The following LRRC4C variants were observed in gnomAD, a reference collection of about 807,000 sequenced individuals.
LRRC4C encodes the protein leucine rich repeat containing 4C, also known as leucine-rich repeat-containing protein 4C.
LRRC4C carries 5 observed loss-of-function variants against 33.6 expected under a neutral mutation model. That is an observed-to-expected ratio of 0.15 (90% confidence interval 0.08 to 0.31). The LOEUF is 0.31. LRRC4C is among the 10% of genes least tolerant of loss of function. The pLI is 1.00. For synonymous variants in LRRC4C, 329 were observed against 302.0 expected, an observed-to-expected ratio of 1.09 and a Z score of -0.93; for missense variants, 560 against 796.7, an observed-to-expected ratio of 0.70 and a Z score of 3.58.
At chr11:40,663,313 C>A (rs56395156) in intron 2 of LRRC4C, among the ~76,000 whole-genome samples, 2,912 of 152,218 alleles carry the variant, frequency 0.019, 44 homozygotes, top group South Asian at 0.036. Context: ...GAACTCCTAA[C>A]CTTGTGATCT....
At chr11:40,414,481 T>C (rs1048058694) in intron 3 of LRRC4C, among the ~76,000 whole-genome samples, 1 of 152,108 alleles carries the variant, frequency 6.6e-6, no homozygotes, top group South Asian at 2.1e-4. Flanking sequence ...TTTAGGCTTA[T>C]TAGAAAGGAC....
At chr11:41,245,353 C>G (rs940062794) in intron 1 of LRRC4C, among the ~76,000 whole-genome samples, 3 of 152,074 alleles carry the variant, frequency 2.0e-5, no homozygotes, top group Admixed American at 2.0e-4. Flanking sequence ...GCATGGAGCA[C>G]GAAACAGCGA....
At chr11:40,865,159 A>G (rs756644918) in intron 2 of LRRC4C, among the ~76,000 whole-genome samples, 1 of 152,184 alleles carries the variant, frequency 6.6e-6, no homozygotes, top group African/African-American at 2.4e-5. Flanking sequence ...CAGTATGTTA[A>G]GTGAAACAAG....
intron 3 of LRRC4C, among the ~76,000 whole-genome samples, chr11:40,388,027 C>T (rs1156634759): frequency 6.6e-6 from 1 of 151,990 alleles, no homozygotes; most frequent in Non-Finnish European, 1.5e-5. Context: ...TTTTTTATCC[C>T]CTAATAAACC....
intron 2 of LRRC4C, among the ~76,000 whole-genome samples, chr11:40,918,707 C>T (rs190659264): frequency 8.1e-4 from 123 of 152,222 alleles, no homozygotes; most frequent in African/African-American, 2.8e-3. Context: ...AAACTGAGTT[C>T]AGAGTAAGAA....
At chr11:40,817,400 T>G (rs1166456846) in intron 2 of LRRC4C, among the ~76,000 whole-genome samples, 1 of 152,156 alleles carries the variant, frequency 6.6e-6, no homozygotes. Flanking sequence ...TCCTTTTAAC[T>G]CATAATGATA....
At chr11:40,371,646 G>A (rs186610461) in intron 3 of LRRC4C, among the ~76,000 whole-genome samples, 36 of 152,196 alleles carry the variant, frequency 2.4e-4, no homozygotes, top group South Asian at 4.1e-4. Flanking sequence ...CTAATGGCCC[G>A]GTAATGTGCT....
chr11:40,730,452 A>G (rs1947508103), intron 2 of LRRC4C, among the ~76,000 whole-genome samples: 1 of 152,224 alleles, frequency 6.6e-6, no homozygotes, highest in African/African-American at 2.4e-5. Context: ...ATAGAGATAC[A>G]GGTTTAAAGT....
At chr11:40,330,154 C>T (rs1433981146) in intron 3 of LRRC4C, among the ~76,000 whole-genome samples, 1 of 152,068 alleles carries the variant, frequency 6.6e-6, no homozygotes, top group African/African-American at 2.4e-5. Context: ...ATAAAAATTA[C>T]AATTACTTAC....
intron 2 of LRRC4C, among the ~76,000 whole-genome samples, chr11:40,888,184 T>G (rs924693284): frequency 6.6e-6 from 1 of 151,916 alleles, no homozygotes; most frequent in African/African-American, 2.4e-5. Context: ...TGAGTTCTTG[T>G]TCTCCGGAAA....
chr11:40,333,796 G>A (rs1045429870), intron 3 of LRRC4C, among the ~76,000 whole-genome samples: 1 of 150,848 alleles, frequency 6.6e-6, no homozygotes, highest in East Asian at 1.9e-4. Flanking sequence ...AGTTTCCAAT[G>A]AGTATGATAA....
At chr11:40,658,269 A>G (rs1943237792) in intron 2 of LRRC4C, among the ~76,000 whole-genome samples, 1 of 152,180 alleles carries the variant, frequency 6.6e-6, no homozygotes, top group South Asian at 2.1e-4. Context: ...CCTACCATCT[A>G]GGCTTGACAT....
At chr11:40,506,348 T>C (rs1331634796) in intron 3 of LRRC4C, among the ~76,000 whole-genome samples, 4 of 152,190 alleles carry the variant, frequency 2.6e-5, no homozygotes. Context: ...GCTTTTCACA[T>C]GAACAGAAAT....
intron 3 of LRRC4C, among the ~76,000 whole-genome samples, chr11:40,362,443 G>A (rs1048568610): frequency 3.9e-5 from 6 of 152,028 alleles, no homozygotes; most frequent in South Asian, 2.1e-4. Context: ...ATAATATTCT[G>A]GTGCAGTGGC....
Position 41,033,009 on chromosome 11 carries a change from AACATTACCAGCAC to A in LRRC4C, c.-495-99299_-495-99287del, listed in dbSNP as rs535734109. On this transcript the variant is annotated intron_variant, in intron 1 of 6. Transcript: ENST00000528697. ...TATTCATCCTTAGCTGATACCATGA[AACATTACCAGCAC>A]ACTTTCTAAAACAGAAGGGTCTATT... Among the ~76,000 whole-genome samples, 380 of 152,138 alleles carry A rather than the reference AACATTACCAGCAC, an allele frequency of 2.5e-3. 5 individuals are homozygous for A. The highest frequency in any genetic ancestry group is 9.1e-3 in the East Asian group (47 of 5,154).
intron 1 of LRRC4C, among the ~76,000 whole-genome samples, chr11:40,990,884 C>CT (rs535253494): frequency 2.6e-5 from 4 of 151,122 alleles, no homozygotes; most frequent in South Asian, 2.1e-4. Flanking sequence ...AAAAGAAGTG[C>CT]TTTTTTTTAT....
At chr11:40,863,265 C>T (rs1954192213) in intron 2 of LRRC4C, among the ~76,000 whole-genome samples, 1 of 152,174 alleles carries the variant, frequency 6.6e-6, no homozygotes, top group South Asian at 2.1e-4. Context: ...CTGATGTTTC[C>T]ACACACTCAG....
intron 2 of LRRC4C, among the ~76,000 whole-genome samples, chr11:40,853,717 T>C (rs1440556905): frequency 6.6e-6 from 1 of 152,166 alleles, no homozygotes; most frequent in Non-Finnish European, 1.5e-5. Flanking sequence ...TTTTGTCTTC[T>C]TGGCAATGAT....
intron 4 of LRRC4C, among the ~76,000 whole-genome samples, chr11:40,300,506 T>C (rs1405831660): frequency 1.3e-5 from 2 of 152,210 alleles, no homozygotes; most frequent in Non-Finnish European, 2.9e-5. Flanking sequence ...AACTATTAGA[T>C]GCCATGTACA....
Sources: gnomAD v4.1 joint callset for allele counts (sites outside exome capture counted in the v4.1 genomes callset) on GRCh38, gnomAD v4.1.1 for gene constraint, MANE v1.5 for transcripts, NCBI Gene and HGNC (gene_info 2026-07-23, HGNC 2026-07-21) for gene names.